LTBP1: variants seen among roughly 807,000 people sequenced by gnomAD.
LTBP1 encodes the protein latent-transforming growth factor beta-binding protein 1.
Under a neutral mutation model 207.6 loss-of-function variants are expected in LTBP1, and 129 were observed. That is an observed-to-expected ratio of 0.62 (90% CI 0.54 to 0.72). The LOEUF (loss-of-function observed/expected upper bound fraction) is 0.72, where lower values mean the gene tolerates loss of function less well. Ranked by LOEUF, LTBP1 falls within the 30% of genes least tolerant of loss-of-function variation. The probability of loss-of-function intolerance (pLI) is 0.00; values close to 1 mark genes in which losing one functional copy is unlikely to be tolerated. For missense variants in LTBP1, 2,281 were observed against 2,217.2 expected (o/e 1.03, Z -0.58); for synonymous variants, 963 against 833.7 (o/e 1.16, Z -2.67).
rs535539196 is a variant in LTBP1 at position 33,240,929 on chromosome 2, C to T, written c.1877-2733C>T. 4.0e-3 allele frequency among the ~76,000 whole-genome samples: 604 copies of T among 152,178 alleles called. 2 individuals are homozygous for T. Among genetic ancestry groups the T allele is most frequent in the Admixed American group, 7.9e-3 (121 of 15,296 alleles). On this transcript the variant is annotated intron_variant, in intron 9 of 33. Transcript: ENST00000404816. ...CCTCCCAAAGTGCTGGGATTACAGGCGTGAGCCACCGCGCCCGGCCAGAAA... is the reference window on the plus strand; with the variant it reads ...CCTCCCAAAGTGCTGGGATTACAGGTGTGAGCCACCGCGCCCGGCCAGAAA...
At position 33,325,043 on chromosome 2, in the gene LTBP1, A is replaced by C. The variant is rs1350900246; in HGVS notation, c.3730+9774A>C. Among the ~76,000 whole-genome samples, 4 of 152,178 alleles carry C rather than the reference A, an allele frequency of 2.6e-5. No homozygotes were observed. In the East Asian group the frequency reaches 7.7e-4, roughly 29 times the overall value. ...CCCATATTTATTTTAAATCATATAG[A>C]ATATAGTGTAGTAATTCATTTATAT... On this transcript the variant is annotated intron_variant, in intron 24 of 33. Transcript: ENST00000404816.
At chr2:33,292,413 A>G (rs1015835763) in intron 19 of LTBP1, among the ~76,000 whole-genome samples, 1 of 152,292 alleles carries the variant, frequency 6.6e-6, no homozygotes, top group Admixed American at 6.5e-5. Context: ...ACCATTTTCT[A>G]TGTGGCGTTG....
At chr2:33,164,465 A>G (rs2148226976) in intron 5 of LTBP1, among the ~76,000 whole-genome samples, 2 of 149,758 alleles carry the variant, frequency 1.3e-5, no homozygotes, top group Middle Eastern at 3.4e-3. Context: ...GATATTGGGT[A>G]TATATTATTT....
At chr2:33,266,072 G>A (rs982496246) in intron 15 of LTBP1, among the ~76,000 whole-genome samples, 2 of 152,202 alleles carry the variant, frequency 1.3e-5, no homozygotes, top group African/African-American at 4.8e-5. Context: ...TGCACTCTAA[G>A]GGGCTGGGAA....
At chr2:33,028,775 G>T (rs1173643201) in intron 3 of LTBP1, among the ~76,000 whole-genome samples, 1 of 152,126 alleles carries the variant, frequency 6.6e-6, no homozygotes, top group Admixed American at 6.5e-5. Context: ...AATTTTCTGT[G>T]TCTTATGTTC....
chr2:33,391,621 A>C (rs2095315183), intron 32 of LTBP1, among the ~76,000 whole-genome samples: 1 of 152,110 alleles, frequency 6.6e-6, no homozygotes, highest in Non-Finnish European at 1.5e-5. Flanking sequence ...GGATTATGAA[A>C]AGCACTGAAA....
intron 3 of LTBP1, among the ~76,000 whole-genome samples, chr2:33,035,488 G>A (rs2075877723): frequency 6.6e-6 from 1 of 152,194 alleles, no homozygotes. Flanking sequence ...GCTTGAAATG[G>A]GAGTGATGGT....
intron 3 of LTBP1, among the ~76,000 whole-genome samples, chr2:33,075,311 G>A (rs1451149790): frequency 1.3e-5 from 2 of 152,158 alleles, no homozygotes; most frequent in Non-Finnish European, 2.9e-5. Flanking sequence ...GTGGATAATT[G>A]AAAGTTGATA....
At chr2:33,249,428 T>C (rs1476660946) in intron 10 of LTBP1, among the ~76,000 whole-genome samples, 4 of 152,004 alleles carry the variant, frequency 2.6e-5, no homozygotes, top group South Asian at 4.1e-4. Context: ...GAAAGTATAA[T>C]GTGAGTTTAT....
chr2:33,014,425 T>C (rs894060302), intron 2 of LTBP1, among the ~76,000 whole-genome samples: 12 of 152,222 alleles, frequency 7.9e-5, no homozygotes, highest in Admixed American at 4.6e-4. Context: ...CTTAGTGTTA[T>C]TGAATGACTT....
In LTBP1 at chr2:33,013,663, G is replaced by A. The variant is rs942636071; in HGVS notation, c.566-7246G>A. 2.0e-5 allele frequency among the ~76,000 whole-genome samples: 3 copies of A among 152,024 alleles called. No homozygotes were observed. In the East Asian group the frequency reaches 5.8e-4, roughly 29 times the overall value. On this transcript the variant is annotated intron_variant, in intron 2 of 33. Transcript: ENST00000404816. ...AAACTGCTGGTTGTTTTGTATTACA[G>A]GACTTGTGATTTAATTACGTTATAT... is the stretch of plus-strand genomic sequence containing the variant.
intron 12 of LTBP1, 87 bp from the exon 13 acceptor site, chr2:33,259,501 G>A (rs570868849): frequency 1.1e-6 from 1 of 905,868 alleles, no homozygotes; most frequent in African/African-American, 1.7e-5. Flanking sequence ...CAGAGATAAT[G>A]GACTTCTATT....
At chr2:33,350,807 T>C (rs981037857) in intron 26 of LTBP1, among the ~76,000 whole-genome samples, 26 of 151,508 alleles carry the variant, frequency 1.7e-4, no homozygotes, top group Admixed American at 1.3e-3. Flanking sequence ...ATAAAAACTT[T>C]ATGTCTTTGG....
intron 24 of LTBP1, among the ~76,000 whole-genome samples, chr2:33,325,923 A>T (rs1213745138): frequency 6.6e-6 from 1 of 152,178 alleles, no homozygotes; most frequent in African/African-American, 2.4e-5. Context: ...AACAAATTCA[A>T]ACCTTCCTCA....
chr2:33,014,994 CT>C (rs970499735), intron 2 of LTBP1, among the ~76,000 whole-genome samples: 411 of 140,750 alleles, frequency 2.9e-3, no homozygotes, highest in Admixed American at 3.0e-3. Flanking sequence ...GTTTTGGCCA[CT>C]TTTTTTTTTT....
intron 5 of LTBP1, among the ~76,000 whole-genome samples, chr2:33,154,851 T>G (rs1480618638): frequency 6.6e-6 from 1 of 152,102 alleles, no homozygotes; most frequent in African/African-American, 2.4e-5. Flanking sequence ...TAGCTTGACG[T>G]CAAGAGTTCG....
chr2:32,984,888 G>A (rs1183357268), intron 2 of LTBP1, among the ~76,000 whole-genome samples: 2 of 152,074 alleles, frequency 1.3e-5, no homozygotes, highest in East Asian at 3.9e-4. Flanking sequence ...CTGAGATTGC[G>A]CCACTGAACT....
chr2:33,273,328 TTAA>T (rs2093360298), intron 15 of LTBP1, among the ~76,000 whole-genome samples: 1 of 152,196 alleles, frequency 6.6e-6, no homozygotes, highest in South Asian at 2.1e-4. Context: ...TAGAAACTCA[TTAA>T]TAGGCCATTT....
chr2:33,091,410 T>C (rs560873128), intron 3 of LTBP1, among the ~76,000 whole-genome samples: 51 of 152,304 alleles, frequency 3.3e-4, no homozygotes, highest in African/African-American at 1.2e-3. Flanking sequence ...ATGAAGCAAC[T>C]AAGCCAAAGA....
Sources: gnomAD v4.1 joint callset for allele counts (sites outside exome capture counted in the v4.1 genomes callset) on GRCh38, gnomAD v4.1.1 for gene constraint, MANE v1.5 for transcripts, NCBI Gene and HGNC (gene_info 2026-07-23, HGNC 2026-07-21) for gene names.